The following ZNF385D variants were observed in gnomAD, a reference collection of about 807,000 sequenced individuals.
The protein encoded by ZNF385D is zinc finger protein 659.
In ZNF385D, 15 loss-of-function variants were observed where a neutral mutation model predicts 35.8. That is an observed-to-expected ratio of 0.42 (90% CI 0.28 to 0.64). ZNF385D has a LOEUF of 0.64. Ranked by LOEUF, ZNF385D falls within the 30% of genes least tolerant of loss-of-function variation. The pLI, the probability that ZNF385D is intolerant of heterozygous loss-of-function variation, is 0.23. For missense variants in ZNF385D, 474 were observed against 494.6 expected (o/e 0.96, Z 0.39); for synonymous variants, 212 against 186.8 (o/e 1.13, Z -1.10).
At chr3:21,588,146 G>A (rs1189850029) in intron 2 of ZNF385D, among the ~76,000 whole-genome samples, 3 of 152,124 alleles carry the variant, frequency 2.0e-5, no homozygotes, top group Non-Finnish European at 4.4e-5. Flanking sequence ...CACAGAACAC[G>A]ATATTATGAT....
At chr3:21,928,442 G>A (rs545160752) in intron 3 of ZNF385D, among the ~76,000 whole-genome samples, 2 of 150,766 alleles carry the variant, frequency 1.3e-5, no homozygotes, top group Non-Finnish European at 3.0e-5. Flanking sequence ...AGGGAAAGAG[G>A]GAGAGAGCGA....
Position 21,702,174 on chromosome 3 carries a change from T to C in ZNF385D, c.23-37146A>G, listed in dbSNP as rs527504934. 4.6e-5 allele frequency among the ~76,000 whole-genome samples: 7 copies of C among 152,354 alleles called. No individual in the cohort carries two copies. The East Asian group carries it at 1.4e-3, about 29-fold the overall frequency. The stretch of plus-strand genomic sequence containing the variant: ...GGGTACCACCCCTGCAGCAAACTTT[T>C]GCCTGGGCATCCAGGCGTTTCAATA... On this transcript the variant is annotated intron_variant, in intron 1 of 7. Transcript: ENST00000281523.
At chr3:21,635,973 G>A (rs562870640) in intron 2 of ZNF385D, among the ~76,000 whole-genome samples, 11 of 152,134 alleles carry the variant, frequency 7.2e-5, no homozygotes, top group Admixed American at 2.6e-4. Context: ...TGGGCATTTG[G>A]GCTGGTTCCA....
At chr3:22,164,591 C>T (rs1040218064) in intron 3 of ZNF385D, among the ~76,000 whole-genome samples, 1 of 146,390 alleles carries the variant, frequency 6.8e-6, no homozygotes, top group African/African-American at 2.5e-5. Context: ...TTATCATCTA[C>T]AATTTGCCCA....
At chr3:21,651,070 G>C (rs1213906050) in intron 2 of ZNF385D, among the ~76,000 whole-genome samples, 3 of 151,404 alleles carry the variant, frequency 2.0e-5, no homozygotes, top group Non-Finnish European at 2.9e-5. Flanking sequence ...ATGAGGTCAG[G>C]AGATCGAGAC....
chr3:22,226,933 A>T (rs1421642432), intron 2 of ZNF385D, among the ~76,000 whole-genome samples: 1 of 152,098 alleles, frequency 6.6e-6, no homozygotes, highest in East Asian at 1.9e-4. Flanking sequence ...TTCTTCCTTG[A>T]CATATTTCTG....
At chr3:21,806,120 G>C (rs2072630940) in intron 3 of ZNF385D, among the ~76,000 whole-genome samples, 1 of 151,816 alleles carries the variant, frequency 6.6e-6, no homozygotes, top group Non-Finnish European at 1.5e-5. Context: ...AGTGGTGCTT[G>C]CCTGCCGGAC....
chr3:21,495,136 A>G (rs1336783116), intron 4 of ZNF385D, among the ~76,000 whole-genome samples: 1 of 152,184 alleles, frequency 6.6e-6, no homozygotes, highest in South Asian at 2.1e-4. Flanking sequence ...AAGAATGAAT[A>G]TGAATTAATA....
At chr3:22,355,270 C>T (rs1209146259) in intron 2 of ZNF385D, among the ~76,000 whole-genome samples, 1 of 151,914 alleles carries the variant, frequency 6.6e-6, no homozygotes, top group Admixed American at 6.6e-5. Flanking sequence ...AAGAAATTCC[C>T]ATAAGTTGAT....
intron 1 of ZNF385D, among the ~76,000 whole-genome samples, chr3:21,674,982 G>A (rs1435266541): frequency 1.3e-5 from 2 of 152,034 alleles, no homozygotes; most frequent in East Asian, 3.9e-4. Flanking sequence ...ATGAATACAT[G>A]AAGCTGAATC....
At chr3:22,162,752 C>A (rs9852181) in intron 3 of ZNF385D, among the ~76,000 whole-genome samples, 33,881 of 152,134 alleles carry the variant, frequency 0.22, 5,685 homozygotes, top group African/African-American at 0.48. Context: ...CATGTTAATA[C>A]ATTTGTATAT....
intron 3 of ZNF385D, among the ~76,000 whole-genome samples, chr3:22,141,249 G>A (rs998390735): frequency 3.3e-5 from 5 of 151,978 alleles, no homozygotes; most frequent in Middle Eastern, 3.2e-3. Context: ...GGGTGGCACA[G>A]CATTGTTCCC....
In ZNF385D at chr3:21,414,341, C is replaced by G. The variant is rs571305759; in HGVS notation, c.*6873G>C. On this transcript the variant is annotated 3_prime_UTR_variant, in exon 8 of 8. Coordinates refer to ENST00000281523, the MANE Select transcript of ZNF385D (RefSeq NM_024697.3). ...GAAACAATGTTCTTTGCATATAGCT[C>G]CATGTGCAGATTAAAAACTATATTT... is the stretch of plus-strand genomic sequence containing the variant. 6.6e-6 allele frequency: 1 copy of G among 152,152 alleles called. No homozygotes were observed. Among genetic ancestry groups the G allele is most frequent in the African/African-American group, 2.4e-5 (1 of 41,530 alleles). 9.4% of individuals were successfully genotyped at this position (152,152 alleles called of 1,614,324 possible).
At position 21,435,602 on chromosome 3, in the gene ZNF385D, G is replaced by A. The variant is rs747094476; in HGVS notation, c.673+1368C>T. Among the ~76,000 whole-genome samples the A allele has an allele frequency of 2.6e-5, 4 of 152,126 alleles. No individual in the cohort carries two copies. In the East Asian group the frequency reaches 7.7e-4, roughly 29 times the overall value. ...AAACTCTAGTCTCAAAGGACATGGT[G>A]TGTTTATCTGTCAAGATTGATGCTT... On this transcript the variant is annotated intron_variant, in intron 5 of 7. Coordinates refer to ENST00000281523, the MANE Select transcript of ZNF385D (RefSeq NM_024697.3).
intron 3 of ZNF385D, among the ~76,000 whole-genome samples, chr3:21,918,347 C>T (rs1210604670): frequency 6.6e-6 from 1 of 152,160 alleles, no homozygotes; most frequent in Non-Finnish European, 1.5e-5. Flanking sequence ...TTTATTAATA[C>T]TCCACTTTAA....
intron 3 of ZNF385D, among the ~76,000 whole-genome samples, chr3:22,166,327 GAGGAATAT>G (rs1326184112): frequency 6.6e-6 from 1 of 152,154 alleles, no homozygotes; most frequent in African/African-American, 2.4e-5. Context: ...CAAAGAATTT[GAGGAATAT>G]ATTAAAATTT....
At chr3:22,151,187 C>T (rs1705208887) in intron 3 of ZNF385D, among the ~76,000 whole-genome samples, 1 of 152,046 alleles carries the variant, frequency 6.6e-6, no homozygotes, top group Admixed American at 6.6e-5. Flanking sequence ...GCAGGGGCAC[C>T]CCTGGAGTGC....
chr3:21,809,580 A>G (rs1164716735), intron 3 of ZNF385D, among the ~76,000 whole-genome samples: 2 of 151,158 alleles, frequency 1.3e-5, no homozygotes, highest in African/African-American at 4.8e-5. Flanking sequence ...CCTATAATCA[A>G]TATACAATGA....
chr3:21,452,251 T>A (rs148029609), intron 4 of ZNF385D, among the ~76,000 whole-genome samples: 1 of 152,156 alleles, frequency 6.6e-6, no homozygotes, highest in African/African-American at 2.4e-5. Flanking sequence ...AGCAACATGC[T>A]TTCAAAGTAG....
Sources: allele counts gnomAD v4.1 joint callset (sites outside exome capture counted in the v4.1 genomes callset), GRCh38; gene constraint gnomAD v4.1.1; transcripts MANE v1.5; gene names NCBI Gene and HGNC (gene_info 2026-07-23, HGNC 2026-07-21).